DCHS2: variants seen among roughly 807,000 people sequenced by gnomAD.
DCHS2 encodes the protein dachsous cadherin-related 2.
DCHS2 carries 142 observed loss-of-function variants against 182.4 expected under a neutral mutation model. That is an observed-to-expected ratio of 0.78 (90% CI 0.68 to 0.89). The LOEUF is 0.89. DCHS2 is among the 40% of genes least tolerant of loss of function. The pLI is 0.00. For synonymous variants in DCHS2, 1,740 were observed against 1,663.3 expected (o/e 1.05, Z -1.12); for missense variants, 4,319 against 4,198.6 (o/e 1.03, Z -0.79).
chr4:154,359,827 A>C (rs1730034781), intron 3 of DCHS2, among the ~76,000 whole-genome samples: 2 of 152,078 alleles, frequency 1.3e-5, no homozygotes, highest in African/African-American at 4.8e-5. Context: ...ACTGAGTTCT[A>C]CTTACTCAAT....
rs528142172 is a variant in DCHS2, at chr4:154,424,306, A to T, written c.2053-46862T>A. 3.3e-5 allele frequency among the ~76,000 whole-genome samples: 5 copies of T among 152,338 alleles called. No homozygotes were observed. The East Asian group carries it at 9.6e-4, about 29-fold the overall frequency. ...ACTAAGCTGAAAGTAAAGGACAGTA[A>T]AAAGGAAGCCAGAAAAGAACATCTT... On this transcript the variant is annotated intron_variant, in intron 1 of 19. Transcript: ENST00000357232.
intron 9 of DCHS2, among the ~76,000 whole-genome samples, chr4:154,319,005 C>T (rs913946299): frequency 5.9e-5 from 9 of 151,974 alleles, no homozygotes; most frequent in Admixed American, 3.9e-4. Context: ...ACATTTAGGC[C>T]AATGGAACAG....
intron 1 of DCHS2, among the ~76,000 whole-genome samples, chr4:154,444,498 C>T (rs1734180546): frequency 6.6e-6 from 1 of 152,120 alleles, no homozygotes. Flanking sequence ...GAGAACATAT[C>T]CTGAATCTGA....
chr4:154,452,805 T>C (rs903006152), intron 1 of DCHS2, among the ~76,000 whole-genome samples: 2 of 152,210 alleles, frequency 1.3e-5, no homozygotes, highest in Non-Finnish European at 2.9e-5. Flanking sequence ...AAGCAGTATT[T>C]GTTACTTATT....
intron 1 of DCHS2, among the ~76,000 whole-genome samples, chr4:154,416,671 A>G (rs1468338228): frequency 1.3e-5 from 2 of 152,180 alleles, no homozygotes; most frequent in Admixed American, 1.3e-4. Flanking sequence ...TTGGTACCAC[A>G]GAAGAGGAAC....
At chr4:154,259,500 CCACA>C (rs147630053) in intron 15 of DCHS2, 41 bp downstream of exon 15, 46,561 of 1,404,670 alleles carry the variant, frequency 0.033, 735 homozygotes, top group South Asian at 0.14. Context: ...ACAGACACAC[CCACA>C]CACACACACA....
rs115999956 is a variant in DCHS2, at chr4:154,304,799, G to A, written c.5475C>T (p.His1825=). 1,719 of 1,613,824 alleles carry A rather than the reference G, an allele frequency of 1.1e-3. 18 individuals carry two copies. The African/African-American group carries it at 0.021, about 20-fold the overall frequency. Residue 1825 remains histidine, a synonymous_variant, in exon 12 of 20, where the codon CAC becomes CAT. Transcript: ENST00000357232. ...ILCTVEDEND[H]APEFIVSSYD... ...AACTGGAAACAATAAACTCTGGTGC[G>A]TGATCGTTTTCATCTTCAACAGTGC...
At chr4:154,432,583 C>G (rs1733603420) in intron 1 of DCHS2, among the ~76,000 whole-genome samples, 1 of 151,226 alleles carries the variant, frequency 6.6e-6, no homozygotes, top group Admixed American at 6.6e-5. Context: ...TAAAATAGGC[C>G]AGGTGAACAC....
chr4:154,439,036 G>A (rs530310979), intron 1 of DCHS2, among the ~76,000 whole-genome samples: 59 of 152,270 alleles, frequency 3.9e-4, no homozygotes, highest in Admixed American at 1.0e-3. Context: ...TTTTCATACA[G>A]AAGTGTTGTC....
intron 1 of DCHS2, among the ~76,000 whole-genome samples, chr4:154,390,083 C>G (rs1561085165): frequency 6.7e-6 from 1 of 150,254 alleles, no homozygotes; most frequent in Admixed American, 6.6e-5. Context: ...TGTTGATACT[C>G]TTTTTTTTTA....
At position 154,438,655 on chromosome 4, in the gene DCHS2, T is replaced by C. The variant is rs538907647; in HGVS notation, c.2052+50649A>G. On this transcript the variant is annotated intron_variant, in intron 1 of 19. Coordinates refer to ENST00000357232, the MANE Select transcript of DCHS2 (RefSeq NM_001358235.2). ...CAACTCTCCATTTATTCAGGTCTTC[T>C]TTTATGTACCTCCATAAAATTTAAT... Among the ~76,000 whole-genome samples the C allele has an allele frequency of 5.3e-5, 8 of 152,336 alleles. 1 individual carries two copies. In the East Asian group the frequency reaches 1.5e-3, roughly 29 times the overall value.
intron 13 of DCHS2, among the ~76,000 whole-genome samples, chr4:154,273,220 G>A (rs1733678500): frequency 6.6e-6 from 1 of 152,026 alleles, no homozygotes; most frequent in African/African-American, 2.4e-5. Context: ...TCATCGAGTA[G>A]ATTAAGAAAA....
intron 12 of DCHS2, chr4:154,298,909 G>A: frequency 1.7e-6 from 1 of 602,802 alleles, no homozygotes; most frequent in Non-Finnish European, 2.5e-6. Flanking sequence ...CTATTGAGGG[G>A]ATAAACAGAA....
Position 154,490,928 on chromosome 4 carries a change from G to A in DCHS2, c.428C>T (p.Ala143Val). Residue 143 changes from alanine (A) to valine (V), a missense_variant, in exon 1 of 20, where the codon GCC becomes GTC. Ala to Val is a moderately conservative substitution (Grantham distance 64). Transcript: ENST00000357232. ...CACCACAGCGCCCAGCAGCGTGGCGGCGACGAAGCTGTAGTGGTCCCGCCG... is the reference window on the plus strand; with the variant it reads ...CACCACAGCGCCCAGCAGCGTGGCGACGACGAAGCTGTAGTGGTCCCGCCG... ...RERRDHYSFV[A>V]ATLLGAVVQV... 1.9e-6 allele frequency: 3 copies of A among 1,551,126 alleles called. No individual in the cohort carries two copies. Among genetic ancestry groups the A allele is most frequent in the Non-Finnish European group, 2.6e-6 (3 of 1,146,870 alleles).
chr4:154,314,444 GAA>G (rs974241808), intron 10 of DCHS2, among the ~76,000 whole-genome samples: 44 of 152,238 alleles, frequency 2.9e-4, no homozygotes, highest in African/African-American at 1.1e-3. Context: ...TCAACTCTTA[GAA>G]AAACTCTTTG....
intron 1 of DCHS2, among the ~76,000 whole-genome samples, chr4:154,456,088 T>A (rs896647400): frequency 4.8e-5 from 7 of 145,202 alleles, no homozygotes; most frequent in Admixed American, 6.9e-5. Flanking sequence ...AGACTCCATT[T>A]AAAAAAAAAA....
At chr4:154,409,145 C>T (rs1041909553) in intron 1 of DCHS2, among the ~76,000 whole-genome samples, 11 of 152,114 alleles carry the variant, frequency 7.2e-5, no homozygotes, top group Admixed American at 4.6e-4. Flanking sequence ...GCCAAGTGAC[C>T]GCAGTACCCT....
intron 1 of DCHS2, among the ~76,000 whole-genome samples, chr4:154,425,106 G>C (rs1346965493): frequency 1.3e-5 from 2 of 152,310 alleles, no homozygotes; most frequent in African/African-American, 4.8e-5. Flanking sequence ...ACAGGTGACA[G>C]CAGTTATTCA....
intron 1 of DCHS2, among the ~76,000 whole-genome samples, chr4:154,389,958 T>C (rs1296982133): frequency 6.6e-6 from 1 of 152,164 alleles, no homozygotes; most frequent in Non-Finnish European, 1.5e-5. Context: ...AATTAATTTA[T>C]ATTTATGGCA....
Sources: gnomAD v4.1 joint callset for allele counts (sites outside exome capture counted in the v4.1 genomes callset) on GRCh38, gnomAD v4.1.1 for gene constraint, MANE v1.5 for transcripts, NCBI Gene and HGNC (gene_info 2026-07-23, HGNC 2026-07-21) for gene names.